Variants in MYBL1 observed in about 807,000 individuals in gnomAD.
The protein encoded by MYBL1 is MYB proto-oncogene like 1, also known as myb-related protein A.
MYBL1 carries 17 observed loss-of-function variants against 96.3 expected under a neutral mutation model. That is an observed-to-expected ratio of 0.18 (90% CI 0.12 to 0.26). The LOEUF is 0.26. Among genes scored for constraint, MYBL1 ranks in the 10% least tolerant of loss-of-function variants. The pLI, the probability that MYBL1 is intolerant of heterozygous loss-of-function variation, is 1.00. For synonymous variants in MYBL1, 282 were observed against 292.7 expected (o/e 0.96, Z 0.37); for missense variants, 701 against 882.9 (o/e 0.79, Z 2.61).
intron 5 of MYBL1, among the ~76,000 whole-genome samples, chr8:66,596,931 T>C (rs28589429): frequency 0.1 from 15,935 of 152,114 alleles, 1,868 homozygotes; most frequent in African/African-American, 0.28. Flanking sequence ...CAGTTTACTG[T>C]AGCTAGCATA....
intron 2 of MYBL1, among the ~76,000 whole-genome samples, chr8:66,602,002 A>T (rs768554747): frequency 2.6e-5 from 4 of 152,102 alleles, no homozygotes; most frequent in Non-Finnish European, 5.9e-5. Flanking sequence ...TTTGATGCAT[A>T]TCTTTTCTCA....
chr8:66,604,984 C>T (rs1280496360), intron 1 of MYBL1, among the ~76,000 whole-genome samples: 12 of 152,054 alleles, frequency 7.9e-5, no homozygotes, highest in Non-Finnish European at 1.5e-4. Flanking sequence ...ATGTCTGGAA[C>T]AGCACTTCCC....
chr8:66,611,763 G>A (rs968373306), intron 1 of MYBL1, among the ~76,000 whole-genome samples: 1 of 152,030 alleles, frequency 6.6e-6, no homozygotes, highest in Non-Finnish European at 1.5e-5. Flanking sequence ...AGAAAACTAA[G>A]GAAAAAACAA....
At chr8:66,607,793 T>C (rs1810380606) in intron 1 of MYBL1, among the ~76,000 whole-genome samples, 1 of 152,168 alleles carries the variant, frequency 6.6e-6, no homozygotes, top group Admixed American at 6.6e-5. Flanking sequence ...AAAAGGTTAT[T>C]TGAAGGTATC....
Position 66,577,582 on chromosome 8 carries a change from T to C in MYBL1, c.1102-1207A>G, listed in dbSNP as rs1315940141. On this transcript the variant is annotated intron_variant, in intron 9 of 15. Transcript: ENST00000522677. Reference sequence around the variant, plus strand: ...TACTGCTCAATGAAATAAAAGAGGATACAAACAAATGGAAGAACATTCCAT... The same window carrying C: ...TACTGCTCAATGAAATAAAAGAGGACACAAACAAATGGAAGAACATTCCAT... 8.6e-5 allele frequency among the ~76,000 whole-genome samples: 13 copies of C among 151,244 alleles called. No homozygotes were observed. The East Asian group carries it at 2.5e-3, about 29-fold the overall frequency.
chr8:66,567,995 C>T (rs1373637730), intron 12 of MYBL1, among the ~76,000 whole-genome samples: 3 of 148,140 alleles, frequency 2.0e-5, no homozygotes, highest in Admixed American at 6.8e-5. Context: ...TGCAGTGAGC[C>T]GAAATCACGC....
chr8:66,597,847 TAAAAAAAAAAAAAAA>T (rs1189665191), intron 4 of MYBL1, among the ~76,000 whole-genome samples: 16 of 36,172 alleles, frequency 4.4e-4, no homozygotes, highest in African/African-American at 1.5e-3. Flanking sequence ...CTCCTACATC[TAAAAAAAAAAAAAAA>T]AAAAAAAAAA....
chr8:66,575,076 T>A (rs1473284190), intron 10 of MYBL1, among the ~76,000 whole-genome samples: 4 of 151,162 alleles, frequency 2.6e-5, no homozygotes, highest in African/African-American at 9.7e-5. Context: ...AAAAAGCGTT[T>A]GGCAAACAGC....
At chr8:66,593,684 C>T (rs1809741323) in intron 6 of MYBL1, among the ~76,000 whole-genome samples, 1 of 152,130 alleles carries the variant, frequency 6.6e-6, no homozygotes, top group African/African-American at 2.4e-5. Context: ...CTTAGAAAAA[C>T]AATCAGAATC....
intron 4 of MYBL1, 36 bp downstream of exon 4, chr8:66,599,014 C>A (rs779628870): frequency 1.5e-6 from 2 of 1,363,316 alleles, no homozygotes; most frequent in South Asian, 3.1e-5. Context: ...AGCTAGTCTA[C>A]CTACATAGTG....
At chr8:66,577,613 T>C (rs1425804274) in intron 9 of MYBL1, among the ~76,000 whole-genome samples, 5 of 152,052 alleles carry the variant, frequency 3.3e-5, no homozygotes, top group Non-Finnish European at 1.5e-5. Context: ...TCCATGCTCA[T>C]GGGTAGGAAG....
intron 1 of MYBL1, among the ~76,000 whole-genome samples, chr8:66,605,815 CAATA>C (rs909368043): frequency 3.3e-5 from 5 of 152,126 alleles, no homozygotes; most frequent in Admixed American, 6.5e-5. Flanking sequence ...GACTCCGTCT[CAATA>C]AATAAATAAG....
chr8:66,608,684 C>T (rs535421252), intron 1 of MYBL1, among the ~76,000 whole-genome samples: 1 of 152,196 alleles, frequency 6.6e-6, no homozygotes, highest in Admixed American at 6.5e-5. Context: ...AATGGATCTG[C>T]TCTATTTGTC....
intron 8 of MYBL1, 142 bp downstream of exon 8, chr8:66,592,298 G>A (rs1809679104): frequency 3.3e-6 from 2 of 607,754 alleles, no homozygotes; most frequent in South Asian, 4.0e-5. Context: ...CAACCTCAAA[G>A]TTGCAAATTA....
At chr8:66,591,847 G>GTATATA (rs1485813603) in intron 8 of MYBL1, among the ~76,000 whole-genome samples, 3 of 151,736 alleles carry the variant, frequency 2.0e-5, no homozygotes, top group Non-Finnish European at 2.9e-5. Flanking sequence ...ATATATGTGT[G>GTATATA]TATATTTATA....
intron 8 of MYBL1, among the ~76,000 whole-genome samples, chr8:66,581,856 C>T (rs1809225667): frequency 6.6e-6 from 1 of 152,058 alleles, no homozygotes; most frequent in Admixed American, 6.6e-5. Flanking sequence ...CAAAGCTATC[C>T]TTCAGAAATG....
At chr8:66,602,731 A>C (rs931516958) in intron 1 of MYBL1, among the ~76,000 whole-genome samples, 1 of 40,170 alleles carries the variant, frequency 2.5e-5, no homozygotes, top group Non-Finnish European at 3.9e-5. Flanking sequence ...ATATATATAT[A>C]TATTTTTTTT....
intron 8 of MYBL1, among the ~76,000 whole-genome samples, chr8:66,584,642 T>C (rs1809341974): frequency 6.6e-6 from 1 of 152,062 alleles, no homozygotes; most frequent in Non-Finnish European, 1.5e-5. Flanking sequence ...GAGGATCACT[T>C]GAGGTCAGGA....
chr8:66,567,835 G>A (rs562471854), intron 12 of MYBL1, among the ~76,000 whole-genome samples: 1 of 152,012 alleles, frequency 6.6e-6, no homozygotes, highest in South Asian at 2.1e-4. Context: ...AGGCTGAGGC[G>A]GGTGGATCAT....
Sources: allele counts gnomAD v4.1 joint callset (sites outside exome capture counted in the v4.1 genomes callset), GRCh38; gene constraint gnomAD v4.1.1; transcripts MANE v1.5; gene names NCBI Gene and HGNC (gene_info 2026-07-23, HGNC 2026-07-21).